The following COMMD10 variants were observed in gnomAD, a reference collection of about 807,000 sequenced individuals.
The protein encoded by COMMD10 is COMM domain containing 10.
COMMD10 carries 33 observed loss-of-function variants against 28.9 expected under a neutral mutation model. The ratio of observed to expected loss-of-function variants is 1.14; its 90% CI spans 0.87 to 1.53. The LOEUF (loss-of-function observed/expected upper bound fraction) is 1.53, where lower values mean the gene tolerates loss of function less well. Among genes scored for constraint, COMMD10 ranks in the 40% most tolerant of loss-of-function variants. The probability of loss-of-function intolerance (pLI) is 0.00; values close to 1 mark genes in which losing one functional copy is unlikely to be tolerated. For synonymous variants in COMMD10, 110 were observed against 81.7 expected (o/e 1.35, Z -1.87); for missense variants, 310 against 233.4 (o/e 1.33, Z -2.14).
At chr5:116,235,731 C>G (rs1749643581) in intron 5 of COMMD10, among the ~76,000 whole-genome samples, 1 of 152,134 alleles carries the variant, frequency 6.6e-6, no homozygotes, top group African/African-American at 2.4e-5. Context: ...CAATTTGATT[C>G]ACATTCTTGT....
rs138147999 is a variant in COMMD10 at position 116,169,219 on chromosome 5, C to T, written c.510+35041C>T. Among the ~76,000 whole-genome samples, 748 of 152,214 alleles carry T rather than the reference C, an allele frequency of 4.9e-3. 11 individuals are homozygous for T. The highest frequency in any genetic ancestry group is 0.017 in the African/African-American group (706 of 41,528). On this transcript the variant is annotated intron_variant, in intron 5 of 6. Coordinates refer to ENST00000274458, the MANE Select transcript of COMMD10 (RefSeq NM_016144.4). ...CTACCATCAGAGAATACTATAAACA[C>T]CTCTATACAAATAAACTAGAAAATC... is the stretch of plus-strand genomic sequence containing the variant.
intron 4 of COMMD10, among the ~76,000 whole-genome samples, chr5:116,101,567 C>T (rs1184394413): frequency 6.6e-6 from 1 of 152,096 alleles, no homozygotes; most frequent in Admixed American, 6.6e-5. Context: ...GCTGGGATTA[C>T]AGGCGCACAC....
At chr5:116,198,012 C>A (rs1025015194) in intron 5 of COMMD10, among the ~76,000 whole-genome samples, 4 of 152,182 alleles carry the variant, frequency 2.6e-5, no homozygotes, top group African/African-American at 9.7e-5. Context: ...CTCTCACTTA[C>A]ACATATGCAG....
chr5:116,201,486 C>T (rs1033842593), intron 5 of COMMD10, among the ~76,000 whole-genome samples: 7 of 152,172 alleles, frequency 4.6e-5, no homozygotes, highest in Non-Finnish European at 7.3e-5. Context: ...GAGGTTTCTA[C>T]TTCTGGGTTT....
chr5:116,287,888 C>A (rs899115636), intron 5 of COMMD10, among the ~76,000 whole-genome samples: 1 of 151,778 alleles, frequency 6.6e-6, no homozygotes, highest in Non-Finnish European at 1.5e-5. Context: ...TTACAAATTA[C>A]ATTTCTATAT....
chr5:116,277,029 G>C (rs1399793336), intron 5 of COMMD10, among the ~76,000 whole-genome samples: 4 of 151,606 alleles, frequency 2.6e-5, no homozygotes, highest in Non-Finnish European at 5.9e-5. Context: ...GAACTGTGTG[G>C]GACATGAATA....
intron 5 of COMMD10, among the ~76,000 whole-genome samples, chr5:116,282,968 G>A (rs1270740461): frequency 1.3e-5 from 2 of 151,944 alleles, no homozygotes; most frequent in Non-Finnish European, 2.9e-5. Flanking sequence ...TAGGAGCAGA[G>A]ACTTCTGGTG....
intron 5 of COMMD10, among the ~76,000 whole-genome samples, chr5:116,264,734 A>T (rs962653005): frequency 2.6e-5 from 4 of 150,990 alleles, no homozygotes; most frequent in Non-Finnish European, 5.9e-5. Context: ...TGATGGAGAG[A>T]TATACCATTT....
intron 5 of COMMD10, among the ~76,000 whole-genome samples, chr5:116,152,335 A>C (rs6594952): frequency 0.5 from 75,318 of 151,866 alleles, 21,662 homozygotes; most frequent in Non-Finnish European, 0.65. Flanking sequence ...AGGCTACTTG[A>C]ACTCTCTCCC....
chr5:116,137,157 T>C (rs899925938), intron 5 of COMMD10, among the ~76,000 whole-genome samples: 1 of 152,088 alleles, frequency 6.6e-6, no homozygotes, highest in Admixed American at 6.6e-5. Context: ...TTTTATGATT[T>C]GGTATTCTAT....
At chr5:116,127,894 G>A (rs1482559910) in intron 4 of COMMD10, among the ~76,000 whole-genome samples, 1 of 152,032 alleles carries the variant, frequency 6.6e-6, no homozygotes, top group African/African-American at 2.4e-5. Flanking sequence ...CCTGCACGTT[G>A]TGCACATGTA....
At chr5:116,218,380 C>T in intron 5 of COMMD10, 2 of 541,356 alleles carry the variant, frequency 3.7e-6, no homozygotes, top group Non-Finnish European at 6.7e-6. Flanking sequence ...AGGGGTCGTT[C>T]TTGCCTCTTG....
intron 5 of COMMD10, among the ~76,000 whole-genome samples, chr5:116,273,716 A>G (rs1483805932): frequency 6.6e-6 from 1 of 151,696 alleles, no homozygotes; most frequent in Non-Finnish European, 1.5e-5. Context: ...TCCAGTTGAA[A>G]TGTTTCTGAT....
chr5:116,256,192 A>C (rs1750279108), intron 5 of COMMD10, among the ~76,000 whole-genome samples: 1 of 151,748 alleles, frequency 6.6e-6, no homozygotes, highest in Non-Finnish European at 1.5e-5. Context: ...AAGAATCTAC[A>C]GTATAATGAG....
chr5:116,226,470 TCA>T (rs1234373904), intron 5 of COMMD10, among the ~76,000 whole-genome samples: 2 of 150,304 alleles, frequency 1.3e-5, no homozygotes, highest in East Asian at 3.9e-4. Context: ...TGGACTTTCC[TCA>T]GTTTCTGTTA....
intron 5 of COMMD10, among the ~76,000 whole-genome samples, chr5:116,248,439 A>C (rs1215348153): frequency 9.2e-5 from 14 of 152,036 alleles, no homozygotes; most frequent in Non-Finnish European, 1.3e-4. Context: ...ATTTACAACA[A>C]AGACTCCGGA....
intron 5 of COMMD10, among the ~76,000 whole-genome samples, chr5:116,280,385 A>G (rs942999687): frequency 6.6e-6 from 1 of 151,816 alleles, no homozygotes; most frequent in Non-Finnish European, 1.5e-5. Flanking sequence ...ATCAATTATT[A>G]TCCCTTTGGT....
rs1751689721 is a variant in COMMD10 at position 116,127,331 on chromosome 5, G to C, written c.400-6737G>C. ...CAATGCTTTTACACCTTTGGTGGGA[G>C]TGTAAACTAGTTCAACCATCGTGGA... On this transcript the variant is annotated intron_variant, in intron 4 of 6. Coordinates refer to ENST00000274458, the MANE Select transcript of COMMD10 (RefSeq NM_016144.4). Among the ~76,000 whole-genome samples, 3 of 152,160 alleles carry C rather than the reference G, an allele frequency of 2.0e-5. No individual in the cohort carries two copies. In the South Asian group the frequency reaches 6.2e-4, roughly 31 times the overall value.
intron 3 of COMMD10, among the ~76,000 whole-genome samples, chr5:116,092,079 T>A (rs1161257179): frequency 2.6e-5 from 4 of 152,204 alleles, no homozygotes; most frequent in African/African-American, 9.6e-5. Flanking sequence ...CAGGTATCAG[T>A]GTTAAAATTT....
Sources: gnomAD v4.1 joint callset for allele counts (sites outside exome capture counted in the v4.1 genomes callset) on GRCh38, gnomAD v4.1.1 for gene constraint, MANE v1.5 for transcripts, NCBI Gene and HGNC (gene_info 2026-07-23, HGNC 2026-07-21) for gene names.